RSBN1L: variants seen among roughly 807,000 people sequenced by gnomAD.
RSBN1L encodes lysine-specific demethylase RSBN1L.
A neutral mutation model predicts 67.7 loss-of-function variants in RSBN1L; 30 were observed. That is an observed-to-expected ratio of 0.44 (90% CI 0.33 to 0.60). The LOEUF (loss-of-function observed/expected upper bound fraction) is 0.60, where lower values mean the gene tolerates loss of function less well. RSBN1L is among the 20% of genes least tolerant of loss of function. The pLI, the probability that RSBN1L is intolerant of heterozygous loss-of-function variation, is 0.02. For missense variants in RSBN1L, 992 were observed against 1,031.7 expected (o/e 0.96, Z 0.53); for synonymous variants, 433 against 387.0 (o/e 1.12, Z -1.39).
chr7:77,737,067 A>C (rs1266339532), intron 2 of RSBN1L, among the ~76,000 whole-genome samples: 1 of 150,170 alleles, frequency 6.7e-6, no homozygotes, highest in Non-Finnish European at 1.5e-5. Flanking sequence ...CTGTTTATAT[A>C]TGAGGGTGGG....
intron 1 of RSBN1L, among the ~76,000 whole-genome samples, chr7:77,704,843 G>A (rs1265593188): frequency 6.6e-6 from 1 of 151,934 alleles, no homozygotes; most frequent in Non-Finnish European, 1.5e-5. Flanking sequence ...GGTGTGTCGG[G>A]CGCCTGTTAT....
chr7:77,771,513 T>TTG (rs1248809602), intron 5 of RSBN1L, among the ~76,000 whole-genome samples: 1 of 147,678 alleles, frequency 6.8e-6, no homozygotes, highest in Non-Finnish European at 1.5e-5. Context: ...CAGCGACTCT[T>TTG]TTTTTTTTTT....
At chr7:77,753,028 C>G (rs1185063351) in intron 3 of RSBN1L, among the ~76,000 whole-genome samples, 1 of 152,082 alleles carries the variant, frequency 6.6e-6, no homozygotes, top group Non-Finnish European at 1.5e-5. Context: ...GTTAATATAC[C>G]ACAGTTTGTT....
At chr7:77,698,158 G>A (rs1035791704) in intron 1 of RSBN1L, among the ~76,000 whole-genome samples, 5 of 152,238 alleles carry the variant, frequency 3.3e-5, no homozygotes, top group Non-Finnish European at 7.3e-5. Flanking sequence ...CATGCTGCAT[G>A]TGCATGTAGC....
chr7:77,725,346 C>A (rs1290935935), intron 1 of RSBN1L, among the ~76,000 whole-genome samples: 1 of 77,036 alleles, frequency 1.3e-5, no homozygotes, highest in Admixed American at 1.2e-4. Flanking sequence ...CCTCCTGGGT[C>A]CAATCGATTC....
chr7:77,776,841 C>CT (rs1027989847), intron 6 of RSBN1L, among the ~76,000 whole-genome samples: 8 of 151,180 alleles, frequency 5.3e-5, no homozygotes, highest in African/African-American at 1.9e-4. Flanking sequence ...TGGGTCTTAC[C>CT]TTTTTTTTAA....
At chr7:77,728,372 G>C (rs773426717) in intron 1 of RSBN1L, among the ~76,000 whole-genome samples, 1 of 152,080 alleles carries the variant, frequency 6.6e-6, no homozygotes, top group East Asian at 1.9e-4. Context: ...TTGCTTTTTA[G>C]CATCTGTGTA....
chr7:77,716,635 T>C (rs1413724627), intron 1 of RSBN1L, among the ~76,000 whole-genome samples: 5 of 142,712 alleles, frequency 3.5e-5, no homozygotes, highest in Non-Finnish European at 7.7e-5. Context: ...TTTTTTTTTT[T>C]TTTTTTTTTT....
intron 1 of RSBN1L, among the ~76,000 whole-genome samples, chr7:77,720,303 A>G (rs537165404): frequency 3.9e-5 from 6 of 152,136 alleles, no homozygotes; most frequent in Admixed American, 2.6e-4. Context: ...GCTCGTGCCT[A>G]TAATCTTAGC....
In RSBN1L at chr7:77,697,007, G is replaced by A. The variant is rs1790742918; in HGVS notation, c.538G>A (p.Gly180Ser). ...CGGTCTCGGTGGGGCCCGAGAGGCC[G>A]GCGGGGCCTCCCGGGAGGAGAACGG... ...RHGLGGAREA[G>S]GASREENGEV... Residue 180 changes from glycine (G) to serine (S), a missense_variant, in exon 1 of 8, where the codon GGC (glycine) becomes AGC (serine). Coordinates refer to ENST00000334955, the MANE Select transcript of RSBN1L (RefSeq NM_198467.3). The A allele has an allele frequency of 1.3e-6, 2 of 1,530,050 alleles. No homozygotes were observed. The highest frequency in any genetic ancestry group is 2.0e-5 in the Admixed American group (1 of 49,972). The allele number at this position is 1,530,050 out of a possible 1,614,324, so 94.8% of individuals were successfully genotyped here.
chr7:77,734,133 GAAA>G (rs1211123094), intron 1 of RSBN1L, among the ~76,000 whole-genome samples: 1 of 151,450 alleles, frequency 6.6e-6, no homozygotes, highest in African/African-American at 2.4e-5. Context: ...CTCAAAAAAA[GAAA>G]AAAAAGTTTA....
chr7:77,755,572 A>G (rs942334914), intron 3 of RSBN1L, among the ~76,000 whole-genome samples: 2 of 152,166 alleles, frequency 1.3e-5, no homozygotes, highest in Non-Finnish European at 2.9e-5. Flanking sequence ...AGGCTGAGGC[A>G]GGAAGAATCA....
chr7:77,727,089 CT>C (rs35249892), intron 1 of RSBN1L, among the ~76,000 whole-genome samples: 215 of 116,908 alleles, frequency 1.8e-3, no homozygotes, highest in Middle Eastern at 6.9e-3. Flanking sequence ...CCATCATCTG[CT>C]TTTTTTTTTT....
At chr7:77,750,190 TTAAGAG>T (rs1222579857) in intron 3 of RSBN1L, 126 bp downstream of exon 3, 4 of 465,330 alleles carry the variant, frequency 8.6e-6, no homozygotes, top group African/African-American at 2.0e-5. Context: ...TTTGGGAGTA[TTAAGAG>T]TAAATTACTT....
chr7:77,724,872 C>T (rs1400413415), intron 1 of RSBN1L, among the ~76,000 whole-genome samples: 10 of 133,720 alleles, frequency 7.5e-5, no homozygotes, highest in East Asian at 2.2e-4. Flanking sequence ...GACGGAGTTT[C>T]GCTTTTGTGG....
In RSBN1L at chr7:77,779,558, A is replaced by G. The variant is rs910253378; in HGVS notation, c.*390A>G. 3.3e-5 allele frequency: 5 copies of G among 151,018 alleles called. No homozygotes were observed. The highest frequency in any genetic ancestry group is 1.2e-4 in the African/African-American group (5 of 41,204). 9.4% of individuals were successfully genotyped at this position (151,018 alleles called of 1,614,324 possible). A position where few individuals can be genotyped will look rare whatever the true frequency, so the allele number is the denominator to read the frequency against. ...TTTATATCCTTTTTTTTCATTTTAA[A>G]TGTGTCAGCACTGTAGTGTAAATAG... On this transcript the variant is annotated 3_prime_UTR_variant, in exon 8 of 8. Coordinates refer to ENST00000334955, the MANE Select transcript of RSBN1L (RefSeq NM_198467.3).
At chr7:77,717,418 A>T (rs906334523) in intron 1 of RSBN1L, among the ~76,000 whole-genome samples, 1 of 152,154 alleles carries the variant, frequency 6.6e-6, no homozygotes, top group Admixed American at 6.6e-5. Flanking sequence ...TGGTAATTGG[A>T]TATATAATGT....
At chr7:77,747,438 G>A (rs764709433) in intron 2 of RSBN1L, among the ~76,000 whole-genome samples, 3 of 152,164 alleles carry the variant, frequency 2.0e-5, no homozygotes, top group Non-Finnish European at 4.4e-5. Context: ...GGGCCCTGCT[G>A]CTCTGCACAG....
At chr7:77,724,040 A>C (rs1434802317) in intron 1 of RSBN1L, among the ~76,000 whole-genome samples, 2 of 152,194 alleles carry the variant, frequency 1.3e-5, no homozygotes, top group Non-Finnish European at 2.9e-5. Flanking sequence ...GGCCTCCCAA[A>C]GTGCTAGGAT....
Sources: allele counts gnomAD v4.1 joint callset (sites outside exome capture counted in the v4.1 genomes callset), GRCh38; gene constraint gnomAD v4.1.1; transcripts MANE v1.5; gene names NCBI Gene and HGNC (gene_info 2026-07-23, HGNC 2026-07-21).